Variants in TENM4 observed in about 807,000 individuals in gnomAD.
TENM4 encodes teneurin transmembrane protein 4, also known as teneurin-4.
Under a neutral mutation model 243.3 loss-of-function variants are expected in TENM4, and 82 were observed. The observed-to-expected ratio is 0.34, with a 90% CI of 0.28 to 0.40. The LOEUF (loss-of-function observed/expected upper bound fraction) is 0.40. Ranked by LOEUF, TENM4 falls within the 10% of genes least tolerant of loss-of-function variation. The pLI, the probability that TENM4 is intolerant of heterozygous loss-of-function variation, is 1.00. For synonymous variants in TENM4, 1,412 were observed against 1,456.3 expected, an observed-to-expected ratio of 0.97 and a Z score of 0.69; for missense variants, 3,138 against 3,673.3, an observed-to-expected ratio of 0.85 and a Z score of 3.77.
In TENM4 at chr11:79,042,642, G is replaced by A. The variant is rs75239711; in HGVS notation, c.493+22096C>T. Among the ~76,000 whole-genome samples the A allele has an allele frequency of 6.5e-3, 985 of 152,268 alleles. 14 individuals carry two copies. Among genetic ancestry groups the A allele is most frequent in the African/African-American group, 0.023 (947 of 41,548 alleles). On this transcript the variant is annotated intron_variant, in intron 6 of 33. Transcript: ENST00000278550. ...TGTGGCTTGTAATTTACCCAGTCTA[G>A]GATATTTTGTTATAGCAGCCTGAAG...
chr11:78,675,568 C>T (rs1858446334), intron 30 of TENM4, among the ~76,000 whole-genome samples: 1 of 152,202 alleles, frequency 6.6e-6, no homozygotes, highest in Non-Finnish European at 1.5e-5. Flanking sequence ...GGAGCTGGCT[C>T]AGGGCATCCA....
chr11:78,840,701 C>T (rs1858238577), intron 12 of TENM4, among the ~76,000 whole-genome samples: 1 of 152,198 alleles, frequency 6.6e-6, no homozygotes, highest in Non-Finnish European at 1.5e-5. Flanking sequence ...AGCTCGCACC[C>T]TGCAGCATCC....
At chr11:79,407,913 T>C (rs547934096) in intron 1 of TENM4, among the ~76,000 whole-genome samples, 4 of 151,858 alleles carry the variant, frequency 2.6e-5, no homozygotes, top group South Asian at 2.1e-4. Flanking sequence ...CTTTTTCTTT[T>C]TTTTTTTTTT....
chr11:79,177,179 T>G (rs1863177774), intron 3 of TENM4, among the ~76,000 whole-genome samples: 1 of 152,048 alleles, frequency 6.6e-6, no homozygotes, highest in East Asian at 1.9e-4. Flanking sequence ...CAAAATAAAA[T>G]TTATATTGGT....
At chr11:78,818,956 C>A (rs1857666385) in intron 12 of TENM4, among the ~76,000 whole-genome samples, 1 of 123,984 alleles carries the variant, frequency 8.1e-6, no homozygotes, top group South Asian at 2.4e-4. Flanking sequence ...AGCAGTGGGT[C>A]CTGGTAAAAA....
chr11:79,208,966 A>T (rs1863902478), intron 3 of TENM4, among the ~76,000 whole-genome samples: 1 of 152,188 alleles, frequency 6.6e-6, no homozygotes, highest in Non-Finnish European at 1.5e-5. Flanking sequence ...CCTTGCAAAC[A>T]ACCCTCGGGC....
chr11:79,148,376 C>G (rs1421438132), intron 4 of TENM4, among the ~76,000 whole-genome samples: 1 of 152,030 alleles, frequency 6.6e-6, no homozygotes, highest in Non-Finnish European at 1.5e-5. Context: ...AACCTCCAAA[C>G]CAGTCCCTGC....
intron 22 of TENM4, among the ~76,000 whole-genome samples, chr11:78,728,424 C>T (rs1855573509): frequency 6.6e-6 from 1 of 152,058 alleles, no homozygotes; most frequent in Non-Finnish European, 1.5e-5. Context: ...GGTGCTCAAG[C>T]AACATTCTTT....
chr11:79,368,077 G>T (rs535740317), intron 1 of TENM4, among the ~76,000 whole-genome samples: 1 of 152,056 alleles, frequency 6.6e-6, no homozygotes, highest in Non-Finnish European at 1.5e-5. Context: ...TTGGGGATTC[G>T]GGGCAGGAAG....
intron 19 of TENM4, among the ~76,000 whole-genome samples, chr11:78,742,191 T>C (rs1855946448): frequency 6.6e-6 from 1 of 152,100 alleles, no homozygotes; most frequent in African/African-American, 2.4e-5. Flanking sequence ...GGACCACATC[T>C]CCAGAGAGGA....
chr11:79,209,750 C>T (rs1863922239), intron 3 of TENM4, among the ~76,000 whole-genome samples: 1 of 152,214 alleles, frequency 6.6e-6, no homozygotes, highest in Admixed American at 6.5e-5. Context: ...CCTCACCAGT[C>T]AGTGCATGGC....
At chr11:78,757,768 G>A (rs767611735) in intron 18 of TENM4, among the ~76,000 whole-genome samples, 1 of 152,182 alleles carries the variant, frequency 6.6e-6, no homozygotes, top group Admixed American at 6.5e-5. Flanking sequence ...TGTGGCCTGC[G>A]GCTGAATCCT....
intron 14 of TENM4, among the ~76,000 whole-genome samples, chr11:78,805,887 C>G (rs532235373): frequency 6.6e-6 from 1 of 152,278 alleles, no homozygotes; most frequent in African/African-American, 2.4e-5. Flanking sequence ...TTTTTGTAGG[C>G]ATGAGACTAA....
intron 6 of TENM4, among the ~76,000 whole-genome samples, chr11:78,998,612 C>T (rs75978313): frequency 0.012 from 1,827 of 152,286 alleles, 48 homozygotes; most frequent in African/African-American, 0.041. Flanking sequence ...TGTTATCATC[C>T]TGGGCTTGTT....
At chr11:79,124,909 G>A (rs146100596) in intron 4 of TENM4, among the ~76,000 whole-genome samples, 2,122 of 149,488 alleles carry the variant, frequency 0.014, 25 homozygotes, top group Non-Finnish European at 0.023. Context: ...GTGTGTGTGT[G>A]TGTGTGTGTG....
chr11:79,089,868 T>C (rs1860904893), intron 4 of TENM4, among the ~76,000 whole-genome samples: 1 of 152,164 alleles, frequency 6.6e-6, no homozygotes, highest in Non-Finnish European at 1.5e-5. Context: ...TTATAGAAAC[T>C]GAGAATCACA....
intron 6 of TENM4, among the ~76,000 whole-genome samples, chr11:78,949,424 C>A (rs1280955410): frequency 6.6e-6 from 1 of 152,192 alleles, no homozygotes; most frequent in African/African-American, 2.4e-5. Context: ...GATTGGGAAT[C>A]AGAAGGCGTG....
chr11:79,362,622 T>A (rs1857609031), intron 1 of TENM4, among the ~76,000 whole-genome samples: 1 of 152,208 alleles, frequency 6.6e-6, no homozygotes, highest in Non-Finnish European at 1.5e-5. Flanking sequence ...TCAGTATTTA[T>A]AGAGCCTGTG....
chr11:79,054,519 G>A (rs1859890945), intron 6 of TENM4, among the ~76,000 whole-genome samples: 1 of 148,730 alleles, frequency 6.7e-6, no homozygotes, highest in East Asian at 2.0e-4. Flanking sequence ...TTTTTTTTGA[G>A]ACAGGGTCTT....
Sources: allele counts gnomAD v4.1 joint callset (sites outside exome capture counted in the v4.1 genomes callset), GRCh38; gene constraint gnomAD v4.1.1; transcripts MANE v1.5; gene names NCBI Gene and HGNC (gene_info 2026-07-23, HGNC 2026-07-21).